The following KANSL1 variants were observed in gnomAD, a reference collection of about 807,000 sequenced individuals.
KANSL1 encodes MLL1/MLL complex subunit KANSL1.
KANSL1 carries 22 observed loss-of-function variants against 103.6 expected under a neutral mutation model. The observed-to-expected ratio is 0.21, with a 90% CI of 0.15 to 0.30. The LOEUF (loss-of-function observed/expected upper bound fraction) is 0.30, where lower values mean the gene tolerates loss of function less well. Among genes scored for constraint, KANSL1 ranks in the 10% least tolerant of loss-of-function variants. The probability of loss-of-function intolerance (pLI) is 1.00; values close to 1 mark genes in which losing one functional copy is unlikely to be tolerated. For missense variants in KANSL1, 1,337 were observed against 1,399.8 expected (o/e 0.96, Z 0.72); for synonymous variants, 600 against 527.6 (o/e 1.14, Z -1.88).
rs757396562 is a variant in KANSL1, at chr17:46,030,383, A to C, written c.*1093T>G. The C allele has an allele frequency of 1.3e-5, 2 of 151,350 alleles. No individual in the cohort carries two copies. Among genetic ancestry groups the C allele is most frequent in the African/African-American group, 4.9e-5 (2 of 40,900 alleles). 9.4% of individuals were successfully genotyped at this position (151,350 alleles called of 1,614,324 possible). ...GATTACAAAATGGCCAAAAAAAAAG[A>C]GTCTTCTCCCCCCTCCCCCTTTTTG... On this transcript the variant is annotated 3_prime_UTR_variant, in exon 15 of 15. Transcript: ENST00000432791.
Position 46,172,232 on chromosome 17 carries a change from A to C in KANSL1, c.-89T>G, listed in dbSNP as rs1262840482. On this transcript the variant is annotated splice_region_variant and 5_prime_UTR_variant, in exon 2 of 15. Transcript: ENST00000432791. ...CCCTTACTGCCTCCCCAGAGAACAG[A>C]CTAGAAGAGAAAGGAGAAAAGAATA... The C allele has an allele frequency of 1.3e-5, 16 of 1,228,120 alleles. No individual in the cohort carries two copies. Among genetic ancestry groups the C allele is most frequent in the Non-Finnish European group, 1.8e-5 (16 of 898,078 alleles). 76.1% of individuals were successfully genotyped at this position (1,228,120 alleles called of 1,614,324 possible).
At chr17:46,117,615 C>CT (rs1376193359) in intron 2 of KANSL1, among the ~76,000 whole-genome samples, 2 of 151,956 alleles carry the variant, frequency 1.3e-5, no homozygotes, top group Non-Finnish European at 2.9e-5. Context: ...TTCAGAGAGT[C>CT]TATCTAATTC....
At chr17:46,216,600 A>C (rs2048347643) in intron 1 of KANSL1, among the ~76,000 whole-genome samples, 2 of 136,286 alleles carry the variant, frequency 1.5e-5, no homozygotes, top group Non-Finnish European at 3.0e-5. Context: ...CTCCGTCTCA[A>C]AAAAAAAAAA....
chr17:46,176,457 G>A (rs1410697666), intron 1 of KANSL1, among the ~76,000 whole-genome samples: 3 of 152,176 alleles, frequency 2.0e-5, no homozygotes, highest in Non-Finnish European at 2.9e-5. Context: ...TTGGGAGGCC[G>A]AGGCAGGCGT....
chr17:46,110,448 G>C (rs1166293044), intron 2 of KANSL1, among the ~76,000 whole-genome samples: 1 of 152,110 alleles, frequency 6.6e-6, no homozygotes, highest in East Asian at 1.9e-4. Context: ...TTTATAATAA[G>C]GAAACTAAGA....
chr17:46,143,599 T>C (rs1055093996), intron 2 of KANSL1, among the ~76,000 whole-genome samples: 5 of 151,952 alleles, frequency 3.3e-5, no homozygotes, highest in African/African-American at 1.2e-4. Flanking sequence ...GGTCAGGAGA[T>C]TGAGGCCATC....
At chr17:46,096,759 C>T (rs1440112210) in intron 2 of KANSL1, among the ~76,000 whole-genome samples, 1 of 152,124 alleles carries the variant, frequency 6.6e-6, no homozygotes, top group Non-Finnish European at 1.5e-5. Flanking sequence ...ACTGGGACTA[C>T]AGGCGCCCAC....
intron 2 of KANSL1, among the ~76,000 whole-genome samples, chr17:46,130,849 T>G (rs549564820): frequency 6.6e-6 from 1 of 152,212 alleles, no homozygotes; most frequent in Non-Finnish European, 1.5e-5. Flanking sequence ...ACATCTGTGG[T>G]TCACTGTACC....
At chr17:46,093,914 T>A (rs1350270015) in intron 3 of KANSL1, 1 of 152,268 alleles carries the variant, frequency 6.6e-6, no homozygotes, top group Non-Finnish European at 1.5e-5. Flanking sequence ...ATCAGTAGCA[T>A]CTTAAGTTCT....
chr17:46,034,259 T>C lies in KANSL1; in HGVS notation c.2568A>G (p.Gly856=), dbSNP rs2077089050. Residue 856 remains glycine, a synonymous_variant, in exon 11 of 15, where the codon GGA becomes GGG. Coordinates refer to ENST00000432791, the MANE Select transcript of KANSL1 (RefSeq NM_015443.4). ...TGTTGTTAATATCAAATGAGCTCTC[T>C]CCCCTTCTCCTCCTTACTGGCTGCT... ...TSQQPVRRRR[G]ESSFDINNIV... The C allele has an allele frequency of 6.2e-7, 1 of 1,613,944 alleles. No homozygotes were observed. The highest frequency in any genetic ancestry group is 8.5e-7 in the Non-Finnish European group (1 of 1,179,930).
chr17:46,058,187 T>C (rs934786138), intron 6 of KANSL1, among the ~76,000 whole-genome samples: 3 of 152,186 alleles, frequency 2.0e-5, no homozygotes, highest in Non-Finnish European at 4.4e-5. Flanking sequence ...AAGATCCCCC[T>C]GAGTGTTTGC....
rs546647405 is a variant in KANSL1 at position 46,177,229 on chromosome 17, C to T, written c.-89-4997G>A. ...TAAGATACTTTCAATTACTTGGCCACGTACCTGGAGCAACCACCCAGTATT... is the reference window on the plus strand; with the variant it reads ...TAAGATACTTTCAATTACTTGGCCATGTACCTGGAGCAACCACCCAGTATT... On this transcript the variant is annotated intron_variant, in intron 1 of 14. Coordinates refer to ENST00000432791, the MANE Select transcript of KANSL1 (RefSeq NM_015443.4). 5.9e-5 allele frequency among the ~76,000 whole-genome samples: 9 copies of T among 152,326 alleles called. No homozygotes were observed. The South Asian group carries it at 6.2e-4, about 11-fold the overall frequency.
chr17:46,036,527 A>T (rs2146341733), intron 10 of KANSL1, among the ~76,000 whole-genome samples: 1 of 152,344 alleles, frequency 6.6e-6, no homozygotes, highest in East Asian at 1.9e-4. Context: ...TGCATTAGGT[A>T]TTATCAGTAA....
In KANSL1 at chr17:46,106,825, A is replaced by AATGAACTG. The variant is rs2042587114; in HGVS notation, c.1290-12125_1290-12124insCAGTTCAT. 2.3e-5 allele frequency among the ~76,000 whole-genome samples: 3 copies of AATGAACTG among 129,984 alleles called. No individual in the cohort carries two copies. The Admixed American group carries it at 2.5e-4, about 11-fold the overall frequency. 85.3% of individuals were successfully genotyped at this position (129,984 alleles called of 152,430 possible). A position where few individuals can be genotyped will look rare whatever the true frequency, so the allele number is the denominator to read the frequency against. On this transcript the variant is annotated intron_variant, in intron 2 of 14. Transcript: ENST00000432791. ...AGTTCTTAAAAATAAATGTGGTAAA[A>AATGAACTG]AGGAACAAAACAAACAAAAAAGTGA...
At chr17:46,172,928 ATC>A (rs1567766633) in intron 1 of KANSL1, among the ~76,000 whole-genome samples, 5 of 152,156 alleles carry the variant, frequency 3.3e-5, no homozygotes, top group South Asian at 4.1e-4. Flanking sequence ...TTGCCCAAAT[ATC>A]TCTCTTTCCC....
intron 6 of KANSL1, among the ~76,000 whole-genome samples, chr17:46,065,367 C>T (rs986064731): frequency 2.0e-5 from 3 of 152,122 alleles, no homozygotes; most frequent in Admixed American, 6.5e-5. Context: ...GCACTTTTGT[C>T]TGTTTTGTTT....
At chr17:46,052,583 C>G (rs62063678) in intron 6 of KANSL1, among the ~76,000 whole-genome samples, 21,735 of 150,606 alleles carry the variant, frequency 0.14, 2,129 homozygotes, top group Middle Eastern at 0.22. Context: ...CCAGCCTGGG[C>G]GACAGAATGA....
At chr17:46,105,460 T>C (rs1015529592) in intron 2 of KANSL1, among the ~76,000 whole-genome samples, 4 of 149,172 alleles carry the variant, frequency 2.7e-5, no homozygotes, top group African/African-American at 7.3e-5. Context: ...CTACTAAAAA[T>C]ACGAAAATTA....
intron 4 of KANSL1, among the ~76,000 whole-genome samples, chr17:46,077,032 G>T (rs370939251): frequency 6.6e-6 from 1 of 151,864 alleles, no homozygotes; most frequent in Non-Finnish European, 1.5e-5. Context: ...TTGCAATATT[G>T]CATTAGCCAA....
Sources: allele counts gnomAD v4.1 joint callset (sites outside exome capture counted in the v4.1 genomes callset), GRCh38; gene constraint gnomAD v4.1.1; transcripts MANE v1.5; gene names NCBI Gene and HGNC (gene_info 2026-07-23, HGNC 2026-07-21).